Variants in POU2F3 observed in about 807,000 individuals in gnomAD.
POU2F3 encodes POU class 2 homeobox 3, also known as POU domain, class 2, transcription factor 3.
In POU2F3, 23 loss-of-function variants were observed where a neutral mutation model predicts 59.2. The ratio of observed to expected loss-of-function variants is 0.39; its 90% confidence interval spans 0.28 to 0.55. POU2F3 has a LOEUF of 0.55. Among genes scored for constraint, POU2F3 ranks in the 20% least tolerant of loss-of-function variants. POU2F3 has a pLI of 0.66. For missense variants in POU2F3, 473 were observed against 544.5 expected (o/e 0.87, Z 1.31); for synonymous variants, 190 against 214.6 (o/e 0.89, Z 1.00).
chr11:120,293,722 G>A (rs1466064610), intron 3 of POU2F3, among the ~76,000 whole-genome samples: 1 of 152,160 alleles, frequency 6.6e-6, no homozygotes, highest in Non-Finnish European at 1.5e-5. Flanking sequence ...AAATGTCATG[G>A]GGAGGGGGTT....
chr11:120,241,431 C>T (rs1008980217), intron 1 of POU2F3, among the ~76,000 whole-genome samples: 18 of 152,280 alleles, frequency 1.2e-4, no homozygotes, highest in Admixed American at 1.0e-3. Context: ...GGGAGGGGAC[C>T]TGGAGTGCCC....
chr11:120,256,215 G>A (rs1210849173), intron 2 of POU2F3: 1 of 152,090 alleles, frequency 6.6e-6, no homozygotes, highest in Non-Finnish European at 1.5e-5. Context: ...TGTTGAGAAG[G>A]GCTCCTCTGT....
At chr11:120,246,589 G>T (rs754352620) in intron 2 of POU2F3, 72 bp downstream of exon 2, 303 of 1,524,268 alleles carry the variant, frequency 2.0e-4, no homozygotes, top group Admixed American at 6.7e-5. Flanking sequence ...TGAACAACTG[G>T]TGTCTCTTCT....
intron 3 of POU2F3, among the ~76,000 whole-genome samples, chr11:120,295,475 G>A (rs1046120462): frequency 6.6e-6 from 1 of 152,276 alleles, no homozygotes; most frequent in Non-Finnish European, 1.5e-5. Flanking sequence ...CTGGGGGCAG[G>A]AGGAGGTTAT....
intron 12 of POU2F3, 74 bp downstream of exon 12, chr11:120,317,438 G>C: frequency 6.4e-7 from 1 of 1,572,424 alleles, no homozygotes; most frequent in Non-Finnish European, 8.7e-7. Context: ...CCTATGCCTT[G>C]GGAAAGAAAG....
intron 2 of POU2F3, among the ~76,000 whole-genome samples, chr11:120,252,259 T>A (rs1939139262): frequency 6.9e-6 from 1 of 145,462 alleles, no homozygotes; most frequent in South Asian, 2.1e-4. Context: ...CAGGCTAGAG[T>A]GTAATGGCAC....
At chr11:120,307,837 G>A (rs1254311902) in intron 9 of POU2F3, among the ~76,000 whole-genome samples, 1 of 152,156 alleles carries the variant, frequency 6.6e-6, no homozygotes, top group Non-Finnish European at 1.5e-5. Flanking sequence ...GACCCTTCTT[G>A]CCCTGACATC....
chr11:120,247,607 T>C (rs187284350), intron 2 of POU2F3, among the ~76,000 whole-genome samples: 1 of 152,362 alleles, frequency 6.6e-6, no homozygotes, highest in Admixed American at 6.5e-5. Flanking sequence ...GTCACACTCA[T>C]GTTTCAATAG....
intron 3 of POU2F3, among the ~76,000 whole-genome samples, chr11:120,297,882 T>TATCTCAGCCTCCC (rs1172230456): frequency 6.6e-6 from 1 of 151,560 alleles, no homozygotes; most frequent in African/African-American, 2.4e-5. Context: ...ATGATCCTCC[T>TATCTCAGCCTCCC]ATCTCAGCCT....
chr11:120,256,926 C>T (rs761979647), intron 2 of POU2F3: 7 of 152,328 alleles, frequency 4.6e-5, no homozygotes, highest in Non-Finnish European at 8.8e-5. Context: ...TCAGTCTCTA[C>T]TCAGTGATTT....
chr11:120,308,603 A>C (rs78726896), intron 9 of POU2F3, among the ~76,000 whole-genome samples: 1 of 152,046 alleles, frequency 6.6e-6, no homozygotes, highest in African/African-American at 2.4e-5. Flanking sequence ...CACATGTTTT[A>C]GCTTTCTCAT....
intron 3 of POU2F3, among the ~76,000 whole-genome samples, chr11:120,277,645 A>G (rs1368565743): frequency 6.6e-6 from 1 of 151,964 alleles, no homozygotes; most frequent in Non-Finnish European, 1.5e-5. Flanking sequence ...AGCCGGGCGC[A>G]GTGGCTTATG....
At chr11:120,288,128 CAAAAAA>C in intron 3 of POU2F3, among the ~76,000 whole-genome samples, 4 of 63,334 alleles carry the variant, frequency 6.3e-5, no homozygotes, top group South Asian at 7.1e-4. Context: ...ACAAAAAAAC[CAAAAAA>C]AAAAAAAAAA....
chr11:120,275,712 A>C (rs1940290067), intron 3 of POU2F3, among the ~76,000 whole-genome samples: 1 of 152,140 alleles, frequency 6.6e-6, no homozygotes, highest in South Asian at 2.1e-4. Context: ...AAAGCTGAGA[A>C]TCAGTGGCCT....
intron 3 of POU2F3, among the ~76,000 whole-genome samples, chr11:120,282,823 T>C (rs1940626301): frequency 6.6e-6 from 1 of 152,192 alleles, no homozygotes; most frequent in East Asian, 1.9e-4. Context: ...CATCTCACAG[T>C]GTGTGATCCT....
chr11:120,261,182 G>GTA (rs1939587100), intron 2 of POU2F3: 1 of 151,564 alleles, frequency 6.6e-6, no homozygotes, highest in Non-Finnish European at 1.5e-5. Flanking sequence ...GTGTGTGTGT[G>GTA]TGTGTGTGTG....
At position 120,298,223 on chromosome 11, in the gene POU2F3, C is replaced by T. The variant is rs201607726; in HGVS notation, c.133-42C>T. The T allele has an allele frequency of 4.2e-4, 665 of 1,576,812 alleles. 3 individuals are homozygous for T. The African/African-American group carries it at 7.2e-3, about 17-fold the overall frequency. Reference sequence around the variant, plus strand: ...GCCATTTCCATCTCTGACTGCCTGACGGGATCCAGCACTGACGCTCTCCTC... The same window carrying T: ...GCCATTTCCATCTCTGACTGCCTGATGGGATCCAGCACTGACGCTCTCCTC... On this transcript the variant is annotated intron_variant, in intron 3 of 12. Coordinates refer to ENST00000543440, the MANE Select transcript of POU2F3 (RefSeq NM_014352.4).
intron 3 of POU2F3, among the ~76,000 whole-genome samples, chr11:120,280,199 A>C (rs1432382922): frequency 6.6e-6 from 1 of 152,220 alleles, no homozygotes. Flanking sequence ...AAACAATAAC[A>C]GGGGAAGTTA....
Position 120,318,453 on chromosome 11 carries a change from T to A in POU2F3, c.*61T>A. The A allele has an allele frequency of 6.8e-7, 1 of 1,473,680 alleles. No individual in the cohort carries two copies. Among genetic ancestry groups the A allele is most frequent in the Non-Finnish European group, 9.5e-7 (1 of 1,052,378 alleles). 91.3% of individuals were successfully genotyped at this position (1,473,680 alleles called of 1,614,324 possible). ...ATTCCCCCTGGAAGGAAGGGAATCATGCCTTCTATATACAGACAGATTGCC... is the reference window on the plus strand; with the variant it reads ...ATTCCCCCTGGAAGGAAGGGAATCAAGCCTTCTATATACAGACAGATTGCC... On this transcript the variant is annotated 3_prime_UTR_variant, in exon 13 of 13. Transcript: ENST00000543440.
Sources: allele counts gnomAD v4.1 joint callset (sites outside exome capture counted in the v4.1 genomes callset), GRCh38; gene constraint gnomAD v4.1.1; transcripts MANE v1.5; gene names NCBI Gene and HGNC (gene_info 2026-07-23, HGNC 2026-07-21).